The following STK32B variants were observed in gnomAD, a reference collection of about 807,000 sequenced individuals.
The protein encoded by STK32B is serine/threonine-protein kinase 32B.
STK32B carries 43 observed loss-of-function variants against 52.6 expected under a neutral mutation model. The ratio of observed to expected loss-of-function variants is 0.82; its 90% CI spans 0.64 to 1.05. The LOEUF is 1.05. Among genes scored for constraint, STK32B ranks in the 50% least tolerant of loss-of-function variants. The pLI is 0.00. For missense variants in STK32B, 621 were observed against 534.6 expected, an observed-to-expected ratio of 1.16 and a Z score of -1.59; for synonymous variants, 238 against 204.3, an observed-to-expected ratio of 1.17 and a Z score of -1.41.
At position 5,320,945 on chromosome 4, in the gene STK32B, T is replaced by G. The variant is rs1255291171; in HGVS notation, c.261-10275T>G. The stretch of plus-strand genomic sequence containing the variant: ...GACTGGTTTTTAGGAACAGGTCGAT[T>G]ATGTTCAATAGATGATGCATGTATA... On this transcript the variant is annotated intron_variant, in intron 3 of 11. Coordinates refer to ENST00000282908, the MANE Select transcript of STK32B (RefSeq NM_018401.3). Among the ~76,000 whole-genome samples, 3 of 152,214 alleles carry G rather than the reference T, an allele frequency of 2.0e-5. No individual in the cohort carries two copies. In the East Asian group the frequency reaches 5.8e-4, roughly 29 times the overall value.
At chr4:5,242,200 A>G (rs1473313249) in intron 3 of STK32B, among the ~76,000 whole-genome samples, 3 of 152,200 alleles carry the variant, frequency 2.0e-5, no homozygotes, top group Non-Finnish European at 2.9e-5. Context: ...CCAACAGTGT[A>G]TAAGTGTTCC....
At chr4:5,471,223 C>A (rs1237889995) in intron 11 of STK32B, among the ~76,000 whole-genome samples, 1 of 152,172 alleles carries the variant, frequency 6.6e-6, no homozygotes, top group Non-Finnish European at 1.5e-5. Context: ...TGTCGAAGCC[C>A]TAAGCCCCCC....
intron 2 of STK32B, among the ~76,000 whole-genome samples, chr4:5,159,033 T>C (rs918929090): frequency 1.3e-5 from 2 of 152,166 alleles, no homozygotes; most frequent in African/African-American, 2.4e-5. Context: ...CTCAGTGACA[T>C]CAGCTGTACA....
chr4:5,103,377 G>A (rs570970693), intron 1 of STK32B, among the ~76,000 whole-genome samples: 24 of 152,106 alleles, frequency 1.6e-4, no homozygotes, highest in Non-Finnish European at 2.8e-4. Flanking sequence ...TAACCCAGAA[G>A]GATATGTCTT....
At chr4:5,356,745 C>T (rs1032120327) in intron 4 of STK32B, among the ~76,000 whole-genome samples, 7 of 152,050 alleles carry the variant, frequency 4.6e-5, no homozygotes, top group Non-Finnish European at 1.0e-4. Flanking sequence ...GCCTGTAATC[C>T]CAGCACTTTG....
In STK32B at chr4:5,159,750, T is replaced by G. The variant is rs1471667853; in HGVS notation, c.109-8549T>G. Reference sequence around the variant, plus strand: ...ATGAATATATATATGAATATATGAATGTATATGAATATATATATGAATATA... The same window carrying G: ...ATGAATATATATATGAATATATGAAGGTATATGAATATATATATGAATATA... On this transcript the variant is annotated intron_variant, in intron 2 of 11. Transcript: ENST00000282908. 1.5e-5 allele frequency among the ~76,000 whole-genome samples: 2 copies of G among 136,866 alleles called. 1 individual carries two copies. Among genetic ancestry groups the G allele is most frequent in the Admixed American group, 1.6e-4 (2 of 12,566 alleles). The allele number at this position is 136,866 out of a possible 152,430, so 89.8% of individuals were successfully genotyped here. A position where few individuals can be genotyped will look rare whatever the true frequency, so the allele number is the denominator to read the frequency against.
At chr4:5,497,830 G>A (rs990249997) in intron 11 of STK32B, among the ~76,000 whole-genome samples, 7 of 152,152 alleles carry the variant, frequency 4.6e-5, no homozygotes, top group Non-Finnish European at 1.0e-4. Context: ...CTTGCTGGGT[G>A]AAACAGCTCT....
chr4:5,087,334 G>A lies in STK32B; in HGVS notation c.52+35419G>A, dbSNP rs377173978. ...GAGAAACCAAAAAGAAATTACTAAT[G>A]GTACACTATAGAACATCTATTTAAC... On this transcript the variant is annotated intron_variant, in intron 1 of 11. Coordinates refer to ENST00000282908, the MANE Select transcript of STK32B (RefSeq NM_018401.3). Among the ~76,000 whole-genome samples, 5 of 151,790 alleles carry A rather than the reference G, an allele frequency of 3.3e-5. No homozygotes were observed. The East Asian group carries it at 9.7e-4, about 29-fold the overall frequency.
chr4:5,444,471 G>T (rs962710136), intron 6 of STK32B, among the ~76,000 whole-genome samples: 1 of 152,174 alleles, frequency 6.6e-6, no homozygotes, highest in African/African-American at 2.4e-5. Flanking sequence ...CGCGCACTGT[G>T]CGCACACCCA....
At chr4:5,155,561 C>T (rs538273176) in intron 2 of STK32B, among the ~76,000 whole-genome samples, 1 of 152,104 alleles carries the variant, frequency 6.6e-6, no homozygotes, top group African/African-American at 2.4e-5. Context: ...GTGTCCCCAC[C>T]CAAATCTCAT....
intron 1 of STK32B, among the ~76,000 whole-genome samples, chr4:5,137,796 G>A (rs1716161721): frequency 6.6e-6 from 1 of 152,208 alleles, no homozygotes; most frequent in Admixed American, 6.5e-5. Context: ...TTGGGGAAAA[G>A]CTTCCCAAGA....
chr4:5,438,233 G>A (rs1714296934), intron 6 of STK32B, among the ~76,000 whole-genome samples: 1 of 152,360 alleles, frequency 6.6e-6, no homozygotes, highest in Non-Finnish European at 1.5e-5. Flanking sequence ...CTCTGGTGCA[G>A]GGAAGGAAGT....
chr4:5,173,408 T>G (rs1460908987), intron 3 of STK32B, among the ~76,000 whole-genome samples: 1 of 152,156 alleles, frequency 6.6e-6, no homozygotes, highest in Admixed American at 6.5e-5. Flanking sequence ...CGTGTCAATT[T>G]TGGATCTTTC....
chr4:5,490,139 C>G (rs1184262968), intron 11 of STK32B, among the ~76,000 whole-genome samples: 2 of 149,852 alleles, frequency 1.3e-5, no homozygotes, highest in Admixed American at 1.3e-4. Context: ...GACAGTCTCA[C>G]TCTGCCACCC....
intron 1 of STK32B, among the ~76,000 whole-genome samples, chr4:5,090,086 G>A (rs1443499606): frequency 2.6e-5 from 4 of 152,058 alleles, no homozygotes; most frequent in Non-Finnish European, 5.9e-5. Context: ...ATATGTTTAA[G>A]TTCCTTGTAA....
chr4:5,370,334 A>G (rs1009286554), intron 4 of STK32B, among the ~76,000 whole-genome samples: 3 of 152,232 alleles, frequency 2.0e-5, no homozygotes, highest in African/African-American at 7.2e-5. Context: ...CATATTTGTG[A>G]ATGAATAAAC....
At chr4:5,087,521 A>T (rs761888704) in intron 1 of STK32B, among the ~76,000 whole-genome samples, 1 of 152,032 alleles carries the variant, frequency 6.6e-6, no homozygotes, top group African/African-American at 2.4e-5. Context: ...TGGATAAAAA[A>T]CAGCTATATG....
chr4:5,487,732 G>C (rs995881806), intron 11 of STK32B, among the ~76,000 whole-genome samples: 1 of 152,134 alleles, frequency 6.6e-6, no homozygotes, highest in Admixed American at 6.5e-5. Flanking sequence ...ATCGAGGAGG[G>C]GAGGAGTCTT....
intron 2 of STK32B, among the ~76,000 whole-genome samples, chr4:5,149,689 C>T (rs1357119040): frequency 1.3e-5 from 2 of 151,690 alleles, no homozygotes; most frequent in African/African-American, 4.8e-5. Flanking sequence ...TTATAAATCT[C>T]TAATACAATG....
Sources: allele counts gnomAD v4.1 joint callset (sites outside exome capture counted in the v4.1 genomes callset), GRCh38; gene constraint gnomAD v4.1.1; transcripts MANE v1.5; gene names NCBI Gene and HGNC (gene_info 2026-07-23, HGNC 2026-07-21).